The following PDE1C variants were observed in gnomAD, a reference collection of about 807,000 sequenced individuals.
PDE1C encodes the protein phosphodiesterase 1C.
In PDE1C, 62 loss-of-function variants were observed where a neutral mutation model predicts 93.1. That is an observed-to-expected ratio of 0.67 (90% CI 0.54 to 0.82). The LOEUF is 0.82. Among genes scored for constraint, PDE1C ranks in the 40% least tolerant of loss-of-function variants. The pLI is 0.00. For synonymous variants in PDE1C, 325 were observed against 310.1 expected, an observed-to-expected ratio of 1.05 and a Z score of -0.50; for missense variants, 742 against 884.6, an observed-to-expected ratio of 0.84 and a Z score of 2.04.
intron 7 of PDE1C, among the ~76,000 whole-genome samples, chr7:31,853,147 C>G (rs1793555284): frequency 6.6e-6 from 1 of 152,040 alleles, no homozygotes; most frequent in African/African-American, 2.4e-5. Context: ...AATAATTGAA[C>G]AAAATCCTAT....
intron 2 of PDE1C, among the ~76,000 whole-genome samples, chr7:32,024,159 G>A (rs1789092871): frequency 6.6e-6 from 1 of 152,048 alleles, no homozygotes; most frequent in Non-Finnish European, 1.5e-5. Context: ...ACATAAAGCT[G>A]AGTGATAGTA....
chr7:31,923,152 T>C (rs924851104), intron 2 of PDE1C, among the ~76,000 whole-genome samples: 3 of 151,904 alleles, frequency 2.0e-5, no homozygotes, highest in African/African-American at 7.3e-5. Flanking sequence ...CATACAGAGG[T>C]CTTCATTGAG....
chr7:32,420,311 ATG>A (rs1207429997), intron 1 of PDE1C, among the ~76,000 whole-genome samples: 937 of 15,114 alleles, frequency 0.062, 327 homozygotes, highest in Non-Finnish European at 0.081. Flanking sequence ...ATATATATAC[ATG>A]TGTATATATA....
chr7:32,406,286 G>A (rs999942390), intron 1 of PDE1C, among the ~76,000 whole-genome samples: 1 of 152,140 alleles, frequency 6.6e-6, no homozygotes, highest in African/African-American at 2.4e-5. Flanking sequence ...TAAAAAAGAA[G>A]AAAAGAAAGT....
intron 1 of PDE1C, among the ~76,000 whole-genome samples, chr7:32,400,063 A>G (rs1327334496): frequency 6.6e-6 from 1 of 152,138 alleles, no homozygotes; most frequent in Non-Finnish European, 1.5e-5. Context: ...TAGTCCCATA[A>G]AGTAGGTAGA....
At chr7:32,038,266 C>T (rs561901614) in intron 2 of PDE1C, among the ~76,000 whole-genome samples, 64 of 152,176 alleles carry the variant, frequency 4.2e-4, no homozygotes, top group Middle Eastern at 3.4e-3. Flanking sequence ...CTCCCACCTC[C>T]GCCTATTGCA....
chr7:31,935,697 ATAAAT>A (rs1327687703), intron 2 of PDE1C, among the ~76,000 whole-genome samples: 2 of 152,168 alleles, frequency 1.3e-5, no homozygotes, highest in African/African-American at 4.8e-5. Flanking sequence ...CGTAACTAAC[ATAAAT>A]TAAAGTTAGG....
chr7:32,293,455 G>A (rs911504205), intron 1 of PDE1C, among the ~76,000 whole-genome samples: 19 of 152,140 alleles, frequency 1.2e-4, no homozygotes, highest in African/African-American at 4.6e-4. Context: ...GCATACACCG[G>A]TTTTAACCAG....
At chr7:31,758,153 G>T (rs527815848) in intron 17 of PDE1C, among the ~76,000 whole-genome samples, 7 of 152,082 alleles carry the variant, frequency 4.6e-5, no homozygotes, top group Non-Finnish European at 8.8e-5. Context: ...GTCATGGGGT[G>T]GGGGGAGGCA....
At chr7:32,115,977 T>C (rs1798965986) in intron 3 of PDE1C, among the ~76,000 whole-genome samples, 1 of 152,134 alleles carries the variant, frequency 6.6e-6, no homozygotes. Context: ...AAAAATGGCA[T>C]GGGTGAAAGA....
At chr7:31,689,238 G>A in the PDE1C span, among the ~76,000 whole-genome samples, 6 of 152,280 alleles carry the variant, frequency 3.9e-5, no homozygotes, top group South Asian at 1.2e-3. Context: ...GTGGAAAGAG[G>A]ATGTTAAAAA....
chr7:31,758,679 T>C (rs540853954), intron 17 of PDE1C, among the ~76,000 whole-genome samples: 2 of 152,344 alleles, frequency 1.3e-5, no homozygotes, highest in African/African-American at 2.4e-5. Context: ...TATATTCTTC[T>C]ATATTATTAT....
intron 2 of PDE1C, among the ~76,000 whole-genome samples, chr7:32,014,150 G>A (rs73686894): frequency 0.027 from 4,127 of 152,284 alleles, 212 homozygotes; most frequent in African/African-American, 0.094. Flanking sequence ...AGAAAAAAGT[G>A]CAATGCACTG....
chr7:32,427,959 G>C (rs1785571662), exon 1 of PDE1C: 1 of 152,336 alleles, frequency 6.6e-6, no homozygotes, highest in Non-Finnish European at 1.5e-5. Flanking sequence ...ACAGGCTACG[G>C]GAGGGGAGAG....
chr7:31,940,526 C>G (rs921583337), intron 2 of PDE1C, among the ~76,000 whole-genome samples: 3 of 152,160 alleles, frequency 2.0e-5, no homozygotes, highest in Non-Finnish European at 4.4e-5. Flanking sequence ...TGTTGCTGGC[C>G]CAGGGAAGGG....
At chr7:32,035,226 G>A (rs1451861625) in intron 2 of PDE1C, among the ~76,000 whole-genome samples, 1 of 151,958 alleles carries the variant, frequency 6.6e-6, no homozygotes, top group Non-Finnish European at 1.5e-5. Flanking sequence ...TCCACAACCA[G>A]AGACATGCCT....
chr7:32,136,841 C>A (rs1433003668), intron 3 of PDE1C, among the ~76,000 whole-genome samples: 6 of 152,160 alleles, frequency 3.9e-5, no homozygotes, highest in African/African-American at 1.4e-4. Context: ...CATCTCCCTC[C>A]TTTCGCAAAA....
At chr7:31,988,083 G>A (rs561618350) in intron 2 of PDE1C, among the ~76,000 whole-genome samples, 1 of 152,316 alleles carries the variant, frequency 6.6e-6, no homozygotes, top group South Asian at 2.1e-4. Flanking sequence ...GGGGCTGACA[G>A]TGACAGGTGG....
chr7:32,200,964 C>T (rs1181901255), intron 2 of PDE1C, among the ~76,000 whole-genome samples: 1 of 152,252 alleles, frequency 6.6e-6, no homozygotes, highest in Non-Finnish European at 1.5e-5. Context: ...CTCCACCCTG[C>T]ATAGCCAAAG....
Sources: gnomAD v4.1 joint callset for allele counts (sites outside exome capture counted in the v4.1 genomes callset) on GRCh38, gnomAD v4.1.1 for gene constraint, MANE v1.5 for transcripts, NCBI Gene and HGNC (gene_info 2026-07-23, HGNC 2026-07-21) for gene names.